Variants in SNTB1 observed in about 807,000 individuals in gnomAD.
SNTB1 encodes the protein syntrophin beta 1.
A neutral mutation model predicts 48.9 loss-of-function variants in SNTB1; 36 were observed. The observed-to-expected ratio is 0.74, with a 90% CI of 0.56 to 0.97. The LOEUF (loss-of-function observed/expected upper bound fraction) is 0.97. Among genes scored for constraint, SNTB1 ranks in the 50% least tolerant of loss-of-function variants. SNTB1 has a pLI of 0.00. For synonymous variants in SNTB1, 299 were observed against 294.6 expected, an observed-to-expected ratio of 1.01 and a Z score of -0.15; for missense variants, 786 against 703.4, an observed-to-expected ratio of 1.12 and a Z score of -1.33.
intron 1 of SNTB1, among the ~76,000 whole-genome samples, chr8:120,771,350 C>A (rs1357108070): frequency 6.6e-6 from 1 of 152,126 alleles, no homozygotes; most frequent in African/African-American, 2.4e-5. Context: ...ATCTGAAGAG[C>A]AGAAAAATAA....
At chr8:120,755,722 G>T (rs554115273) in intron 1 of SNTB1, among the ~76,000 whole-genome samples, 1 of 151,982 alleles carries the variant, frequency 6.6e-6, no homozygotes, top group African/African-American at 2.4e-5. Context: ...TATTACTTAC[G>T]CTAACTCTAT....
intron 2 of SNTB1, among the ~76,000 whole-genome samples, chr8:120,640,166 T>C (rs1817165114): frequency 6.6e-6 from 1 of 151,946 alleles, no homozygotes; most frequent in Admixed American, 6.6e-5. Context: ...CACTCATGAT[T>C]TGGCTCTCTG....
intron 2 of SNTB1, among the ~76,000 whole-genome samples, chr8:120,669,788 T>C (rs549847018): frequency 2.0e-5 from 3 of 152,332 alleles, no homozygotes; most frequent in South Asian, 2.1e-4. Flanking sequence ...ATGAATCATA[T>C]TAAAATGCAG....
At chr8:120,741,830 AAAG>A (rs1327840316) in intron 1 of SNTB1, among the ~76,000 whole-genome samples, 1 of 152,216 alleles carries the variant, frequency 6.6e-6, no homozygotes, top group African/African-American at 2.4e-5. Flanking sequence ...TAAAAAAGAA[AAAG>A]AAGGAGAAGA....
chr8:120,621,672 G>T (rs55852722), intron 3 of SNTB1, among the ~76,000 whole-genome samples: 61 of 152,068 alleles, frequency 4.0e-4, no homozygotes, highest in Non-Finnish European at 7.8e-4. Context: ...AAGCTTTTCA[G>T]AACAGAAGGA....
In SNTB1 at chr8:120,811,834, C is replaced by T; in HGVS notation, c.10G>A (p.Ala4Thr). Residue 4 changes from alanine (A) to threonine (T), a missense_variant, in exon 1 of 7, where the codon GCG (alanine) becomes ACG (threonine). Coordinates refer to ENST00000517992, the MANE Select transcript of SNTB1 (RefSeq NM_021021.4). MAV[A>T]AAAAAAGPAG... The stretch of plus-strand genomic sequence containing the variant: ...GGCCCAGCCGCCGCCGCCGCCGCCG[C>T]TACCGCCATCTTTCCGGCATTCTTA... 7.4e-7 allele frequency: 1 copy of T among 1,347,718 alleles called. No homozygotes were observed. Among genetic ancestry groups the T allele is most frequent in the Non-Finnish European group, 9.5e-7 (1 of 1,053,448 alleles). The allele number at this position is 1,347,718 out of a possible 1,614,324, so 83.5% of individuals were successfully genotyped here. A position where few individuals can be genotyped will look rare whatever the true frequency, so the allele number is the denominator to read the frequency against.
intron 1 of SNTB1, among the ~76,000 whole-genome samples, chr8:120,756,014 C>T (rs546244735): frequency 2.6e-4 from 40 of 152,198 alleles, no homozygotes; most frequent in African/African-American, 9.4e-4. Context: ...TTAAGATCAA[C>T]GGTGCATCAT....
chr8:120,653,289 C>G (rs376764042), intron 2 of SNTB1, among the ~76,000 whole-genome samples: 27 of 152,182 alleles, frequency 1.8e-4, no homozygotes, highest in African/African-American at 6.3e-4. Flanking sequence ...AATGAGAGTG[C>G]TATTATAAGA....
chr8:120,605,954 G>T (rs1303324186), intron 3 of SNTB1, among the ~76,000 whole-genome samples: 1 of 152,048 alleles, frequency 6.6e-6, no homozygotes, highest in Non-Finnish European at 1.5e-5. Flanking sequence ...AAGGTGGGAG[G>T]CTTGGCAAGT....
At chr8:120,709,049 T>A (rs907595206) in intron 1 of SNTB1, among the ~76,000 whole-genome samples, 3 of 150,136 alleles carry the variant, frequency 2.0e-5, no homozygotes, top group Non-Finnish European at 4.4e-5. Flanking sequence ...AATGAATGCA[T>A]GAATGAATAA....
chr8:120,750,297 G>T (rs971590507), intron 1 of SNTB1, among the ~76,000 whole-genome samples: 1 of 152,096 alleles, frequency 6.6e-6, no homozygotes, highest in South Asian at 2.1e-4. Context: ...TCTTGAATTA[G>T]TGTATTTATA....
chr8:120,545,414 TC>T (rs1346173231), intron 5 of SNTB1, among the ~76,000 whole-genome samples: 1 of 152,120 alleles, frequency 6.6e-6, no homozygotes, highest in East Asian at 1.9e-4. Context: ...CAAAGAGTGT[TC>T]CCATGGGCCA....
intron 2 of SNTB1, among the ~76,000 whole-genome samples, chr8:120,656,160 G>C (rs1817498719): frequency 6.6e-6 from 1 of 152,220 alleles, no homozygotes; most frequent in African/African-American, 2.4e-5. Flanking sequence ...GATTTAGGAA[G>C]CAGGTTGCCA....
intron 3 of SNTB1, among the ~76,000 whole-genome samples, chr8:120,613,113 G>A (rs534063205): frequency 6.6e-6 from 1 of 152,136 alleles, no homozygotes; most frequent in African/African-American, 2.4e-5. Flanking sequence ...ACTTTGGGAG[G>A]CTGAGGCGGG....
chr8:120,811,355 C>T lies in SNTB1; in HGVS notation c.489G>A (p.Val163=). ...ALYVGDAILS[V]NGADLRDATH... is the part of the protein sequence containing the mutation. ...TGGCGTCCCGCAGGTCGGCTCCGTT[C>T]ACGGACAGGATGGCGTCGCCCACGT... The change falls in exon 1 of 7, where the codon GTG becomes GTA. Residue 163 remains valine (V), a synonymous_variant. Coordinates refer to ENST00000517992, the MANE Select transcript of SNTB1 (RefSeq NM_021021.4). 6.2e-7 allele frequency: 1 copy of T among 1,613,564 alleles called. No homozygotes were observed. Among genetic ancestry groups the T allele is most frequent in the Non-Finnish European group, 8.5e-7 (1 of 1,179,920 alleles).
intron 1 of SNTB1, among the ~76,000 whole-genome samples, chr8:120,735,499 C>T (rs914457804): frequency 6.6e-6 from 1 of 152,130 alleles, no homozygotes; most frequent in South Asian, 2.1e-4. Flanking sequence ...AAAACGAGGT[C>T]ATTAGGGTGG....
intron 1 of SNTB1, among the ~76,000 whole-genome samples, chr8:120,797,818 T>A (rs1041253286): frequency 3.9e-5 from 6 of 151,980 alleles, no homozygotes; most frequent in African/African-American, 1.2e-4. Flanking sequence ...GCATCATTGC[T>A]ATTCTTATGT....
chr8:120,636,312 T>C (rs1322768971), intron 2 of SNTB1, among the ~76,000 whole-genome samples: 1 of 148,964 alleles, frequency 6.7e-6, no homozygotes, highest in African/African-American at 2.5e-5. Context: ...TACATATGTA[T>C]ACATGTGCCA....
At chr8:120,608,680 TTCTATAATACAATAAA>T (rs1460024956) in intron 3 of SNTB1, among the ~76,000 whole-genome samples, 14 of 152,208 alleles carry the variant, frequency 9.2e-5, no homozygotes, top group African/African-American at 3.4e-4. Context: ...CTAATTCAGC[TTCTATAATACAATAAA>T]AGGATAGAGA....
Sources: allele counts gnomAD v4.1 joint callset (sites outside exome capture counted in the v4.1 genomes callset), GRCh38; gene constraint gnomAD v4.1.1; transcripts MANE v1.5; gene names NCBI Gene and HGNC (gene_info 2026-07-23, HGNC 2026-07-21).